ARID1B: variants seen among roughly 807,000 people sequenced by gnomAD.
ARID1B encodes the protein AT-rich interaction domain 1B, also known as AT-rich interactive domain-containing protein 1B.
In ARID1B, 30 loss-of-function variants were observed where a neutral mutation model predicts 212.3. The ratio of observed to expected loss-of-function variants is 0.14; its 90% CI spans 0.11 to 0.19. ARID1B has a LOEUF of 0.19. ARID1B is among the 10% of genes least tolerant of loss of function. ARID1B has a pLI of 1.00. For missense variants in ARID1B, 2,891 were observed against 3,204.0 expected, an observed-to-expected ratio of 0.90 and a Z score of 2.36; for synonymous variants, 1,402 against 1,301.7, an observed-to-expected ratio of 1.08 and a Z score of -1.66.
rs1267578477 is a variant in ARID1B at position 157,167,180 on chromosome 6, C to T, written c.3230C>T (p.Ser1077Leu). 6.2e-7 allele frequency: 1 copy of T among 1,606,148 alleles called. No individual in the cohort carries two copies. Among genetic ancestry groups the T allele is most frequent in the Non-Finnish European group, 8.5e-7 (1 of 1,179,516 alleles). Residue 1077 changes from serine to leucine, a missense_variant, in exon 9 of 20, where the codon TCG becomes TTG. Ser to Leu is a moderately radical substitution (Grantham distance 145). This residue lies in a region of ARID1B where 1,643 missense variants were observed against 1,544.0 expected (regional missense o/e 1.06). Transcript: ENST00000636930. Reference sequence around the variant, plus strand: ...ATGGCGCCCGCCATGGTGAACAGCTCGGCAGGTAACCTTGGCAGCTCTGCG... The same window carrying T: ...ATGGCGCCCGCCATGGTGAACAGCTTGGCAGGTAACCTTGGCAGCTCTGCG... ...YSMAPAMVNSSAASVGLADMM... is the reference protein window; with the variant it reads ...YSMAPAMVNSLAASVGLADMM...
intron 5 of ARID1B, among the ~76,000 whole-genome samples, chr6:157,100,042 G>A (rs1029619438): frequency 6.6e-6 from 1 of 152,020 alleles, no homozygotes; most frequent in Non-Finnish European, 1.5e-5. Flanking sequence ...ATGAACTTTC[G>A]AGCTGTATGA....
Sources: allele counts gnomAD v4.1 joint callset (sites outside exome capture counted in the v4.1 genomes callset), GRCh38; gene constraint gnomAD v4.1.1; regional missense constraint gnomAD v4.1.1; transcripts MANE v1.5; gene names NCBI Gene and HGNC (gene_info 2026-07-23, HGNC 2026-07-21).